MEI1: variants seen among roughly 807,000 people sequenced by gnomAD.
MEI1 encodes meiosis inhibitor protein 1.
In MEI1, 103 loss-of-function variants were observed where a neutral mutation model predicts 146.2. The observed-to-expected ratio is 0.70, with a 90% confidence interval of 0.60 to 0.83. MEI1 has a LOEUF of 0.83. Among genes scored for constraint, MEI1 ranks in the 40% least tolerant of loss-of-function variants. MEI1 has a pLI of 0.00. For missense variants in MEI1, 1,529 were observed against 1,533.0 expected, an observed-to-expected ratio of 1.00 and a Z score of 0.04; for synonymous variants, 652 against 628.2, an observed-to-expected ratio of 1.04 and a Z score of -0.57.
rs749159293 is a variant in MEI1 at position 41,784,310 on chromosome 22, G to A, written c.3088-29G>A. ...TCTGCCCAGGCTTCCAGAACATGGG[G>A]GTTAGCCCTTTACCCTGTGCCCTGC... is the stretch of plus-strand genomic sequence containing the variant. On this transcript the variant is annotated intron_variant, in intron 24 of 30. Transcript: ENST00000401548. The A allele has an allele frequency of 1.2e-5, 19 of 1,601,734 alleles. No homozygotes were observed. The East Asian group carries it at 1.8e-4, about 15-fold the overall frequency.
At chr22:41,767,456 C>G (rs1201041517) in intron 19 of MEI1, 3 of 397,778 alleles carry the variant, frequency 7.5e-6, no homozygotes, top group African/African-American at 4.1e-5. Flanking sequence ...GAGATACACA[C>G]TGATGTGTGT....
chr22:41,729,816 A>T, intron 8 of MEI1, 37 bp downstream of exon 8: 10 of 1,360,950 alleles, frequency 7.3e-6, no homozygotes, highest in South Asian at 1.3e-5. Context: ...TCCCTATACT[A>T]GAAGGATGGG....
intron 15 of MEI1, among the ~76,000 whole-genome samples, chr22:41,751,245 A>G (rs1052753994): frequency 1.3e-5 from 2 of 152,184 alleles, no homozygotes; most frequent in South Asian, 2.1e-4. Flanking sequence ...GTTGCCCCAG[A>G]GAGTTGCTGT....
At chr22:41,731,051 C>CTTTTTTTTTTTTT (rs71651970) in intron 9 of MEI1, among the ~76,000 whole-genome samples, 1 of 117,152 alleles carries the variant, frequency 8.5e-6, no homozygotes, top group Non-Finnish European at 1.7e-5. Context: ...TTGTCTGGGA[C>CTTTTTTTTTTTTT]TTTTTTTTTT....
At chr22:41,791,991 G>T (rs1207068929) in intron 26 of MEI1, among the ~76,000 whole-genome samples, 1 of 152,184 alleles carries the variant, frequency 6.6e-6, no homozygotes. Flanking sequence ...TGGAGAGATG[G>T]GGGAATGAAG....
intron 11 of MEI1, among the ~76,000 whole-genome samples, chr22:41,741,435 T>C (rs759313653): frequency 1.3e-5 from 2 of 152,226 alleles, no homozygotes; most frequent in Non-Finnish European, 2.9e-5. Flanking sequence ...AGTGAAAAGA[T>C]GGAACTGGTC....
At chr22:41,737,860 A>G (rs1207307717) in intron 11 of MEI1, among the ~76,000 whole-genome samples, 1 of 152,182 alleles carries the variant, frequency 6.6e-6, no homozygotes, top group African/African-American at 2.4e-5. Context: ...AGACTAAGGG[A>G]TCCTAGCACC....
At position 41,784,405 on chromosome 22, in the gene MEI1, G is replaced by C. The variant is rs1435002062; in HGVS notation, c.3154G>C (p.Ala1052Pro). The C allele has an allele frequency of 1.9e-6, 3 of 1,613,850 alleles. No individual in the cohort carries two copies. The highest frequency in any genetic ancestry group is 2.5e-6 in the Non-Finnish European group (3 of 1,179,900). Residue 1052 changes from alanine (A) to proline (P), a missense_variant, in exon 25 of 31, where the codon GCT becomes CCT. By Grantham distance (27) the Ala-to-Pro change is conservative. Coordinates refer to ENST00000401548, the MANE Select transcript of MEI1 (RefSeq NM_152513.4). ...LKALSFPKKK[A>P]ALLSAAILCF... is the part of the protein sequence containing the mutation. ...GGCTCTCAGCTTTCCAAAGAAAAAG[G>C]CTGCACTACTCTCAGGTATGGGTCC...
chr22:41,705,462 G>A (rs777128372), intron 2 of MEI1, 42 bp from the exon 3 acceptor site: 56 of 1,586,376 alleles, frequency 3.5e-5, no homozygotes, highest in Non-Finnish European at 4.2e-5. Flanking sequence ...GTGCCACCGC[G>A]CCCTGCCTAA....
chr22:41,715,180 A>G (rs2069989186), intron 4 of MEI1, among the ~76,000 whole-genome samples: 1 of 152,062 alleles, frequency 6.6e-6, no homozygotes, highest in Admixed American at 6.6e-5. Flanking sequence ...GGTGGTTTAT[A>G]TGTAATATCT....
Position 41,720,244 on chromosome 22 carries a change from A to G in MEI1, c.733+1970A>G, listed in dbSNP as rs544399960. On this transcript the variant is annotated intron_variant, in intron 6 of 30. Coordinates refer to ENST00000401548, the MANE Select transcript of MEI1 (RefSeq NM_152513.4). The stretch of plus-strand genomic sequence containing the variant: ...AGAAACACGGGCCAGAGCACGAGGT[A>G]TGAAGCAGCCTGTATCTGCGGTAAC... Among the ~76,000 whole-genome samples the G allele has an allele frequency of 1.6e-3, 249 of 152,232 alleles. 1 individual carries two copies. Among genetic ancestry groups the G allele is most frequent in the Middle Eastern group, 0.014 (4 of 294 alleles).
At chr22:41,717,016 A>T (rs2070271039) in intron 5 of MEI1, among the ~76,000 whole-genome samples, 1 of 151,970 alleles carries the variant, frequency 6.6e-6, no homozygotes, top group African/African-American at 2.4e-5. Context: ...CAAATTAATT[A>T]AGTACCTACT....
intron 19 of MEI1, among the ~76,000 whole-genome samples, chr22:41,764,367 A>C (rs895246207): frequency 6.6e-6 from 1 of 152,220 alleles, no homozygotes; most frequent in Non-Finnish European, 1.5e-5. Context: ...GGCAATGATC[A>C]CCAGTGGCTG....
chr22:41,723,798 C>T, intron 6 of MEI1, 145 bp from the exon 7 acceptor site: 1 of 1,082,180 alleles, frequency 9.2e-7, no homozygotes, highest in Non-Finnish European at 1.3e-6. Context: ...GTGCAAAAAG[C>T]AAATTGGTGC....
At chr22:41,702,790 CT>C (rs2068811780) in intron 1 of MEI1, among the ~76,000 whole-genome samples, 3 of 151,338 alleles carry the variant, frequency 2.0e-5, no homozygotes, top group South Asian at 2.1e-4. Context: ...CAAAATCTTG[CT>C]CTTGTCCCCC....
chr22:41,729,312 C>G (rs996148891), intron 7 of MEI1, among the ~76,000 whole-genome samples: 1 of 152,160 alleles, frequency 6.6e-6, no homozygotes, highest in Non-Finnish European at 1.5e-5. Context: ...TGCACTCCAG[C>G]CTGGGCAACA....
At chr22:41,798,577 C>CA (rs1190608536) in intron 30 of MEI1, among the ~76,000 whole-genome samples, 8 of 144,224 alleles carry the variant, frequency 5.5e-5, no homozygotes, top group East Asian at 2.1e-4. Context: ...GACTCCGTCT[C>CA]AAAAAAAAAG....
rs540463594 is a variant in MEI1, at chr22:41,752,446, G to A, written c.1793-145G>A. 80 of 704,800 alleles carry A rather than the reference G, an allele frequency of 1.1e-4. 2 individuals are homozygous for A. In the South Asian group the frequency reaches 1.4e-3, roughly 12 times the overall value. The allele number at this position is 704,800 out of a possible 1,614,324, so 43.7% of individuals were successfully genotyped here. A position where few individuals can be genotyped will look rare whatever the true frequency, so the allele number is the denominator to read the frequency against. ...AGAAGTTAAAAAACTTTTCCGGAGT[G>A]AAACTACTAGACAGTGGTGGAGTAC... On this transcript the variant is annotated intron_variant, in intron 15 of 30. Transcript: ENST00000401548.
In MEI1 at chr22:41,714,209, A is replaced by G. The variant is rs980213227; in HGVS notation, c.423+134A>G. 8 of 788,244 alleles carry G rather than the reference A, an allele frequency of 1.0e-5. No homozygotes were observed. In the African/African-American group the frequency reaches 1.2e-4, roughly 12 times the overall value. 48.8% of individuals were successfully genotyped at this position (788,244 alleles called of 1,614,324 possible). A position where few individuals can be genotyped will look rare whatever the true frequency, so the allele number is the denominator to read the frequency against. ...TTCCTGAGGTCACTGAGTTGGTGGC[A>G]GAGTCAGAGCTAAGGCCTGGGTCCA... On this transcript the variant is annotated intron_variant, in intron 4 of 30. Coordinates refer to ENST00000401548, the MANE Select transcript of MEI1 (RefSeq NM_152513.4).
Sources: allele counts gnomAD v4.1 joint callset (sites outside exome capture counted in the v4.1 genomes callset), GRCh38; gene constraint gnomAD v4.1.1; transcripts MANE v1.5; gene names NCBI Gene and HGNC (gene_info 2026-07-23, HGNC 2026-07-21).